The following LRP1B variants were observed in gnomAD, a reference collection of about 807,000 sequenced individuals.
LRP1B encodes the protein low-density lipoprotein receptor-related protein 1B.
LRP1B carries 217 observed loss-of-function variants against 556.6 expected under a neutral mutation model. The ratio of observed to expected loss-of-function variants is 0.39; its 90% CI spans 0.35 to 0.44. LRP1B has a LOEUF of 0.44. Ranked by LOEUF, LRP1B falls within the 20% of genes least tolerant of loss-of-function variation. The pLI is 1.00. For synonymous variants in LRP1B, 2,047 were observed against 1,865.8 expected (o/e 1.10, Z -2.50); for missense variants, 5,053 against 5,620.8 (o/e 0.90, Z 3.23).
At chr2:141,819,716 T>A (rs914755664) in intron 1 of LRP1B, among the ~76,000 whole-genome samples, 2 of 152,184 alleles carry the variant, frequency 1.3e-5, no homozygotes, top group African/African-American at 4.8e-5. Context: ...AACAATAATA[T>A]AATTTCAAAT....
chr2:141,412,353 C>T (rs748133491), intron 3 of LRP1B, among the ~76,000 whole-genome samples: 2 of 152,140 alleles, frequency 1.3e-5, no homozygotes, highest in Non-Finnish European at 2.9e-5. Flanking sequence ...CTTTTCCCAC[C>T]TGCAGTTTCT....
intron 29 of LRP1B, among the ~76,000 whole-genome samples, chr2:140,846,714 C>T (rs772226430): frequency 1.3e-5 from 2 of 151,852 alleles, no homozygotes; most frequent in Admixed American, 6.6e-5. Flanking sequence ...AGAAGAAGCC[C>T]AATAGAGAGA....
chr2:140,291,318 A>ATATATATATATTTT lies in LRP1B; in HGVS notation c.12967+6489_12967+6490insAAAATATATATATA, dbSNP rs369391920. On this transcript the variant is annotated intron_variant, in intron 84 of 90. Transcript: ENST00000389484. Reference sequence around the variant, plus strand: ...TTATTTTATATATATATATATATATATTTTTATTATACTTTAAGTTCTAGG... The same window carrying ATATATATATATTTT: ...TTATTTTATATATATATATATATATATATATATATATTTTTTTTTATTATACTTTAAGTTCTAGG... Among the ~76,000 whole-genome samples the ATATATATATATTTT allele has an allele frequency of 1.7e-4, 19 of 109,322 alleles. 1 individual carries two copies. The highest frequency in any genetic ancestry group is 5.0e-4 in the African/African-American group (17 of 33,814). The allele number at this position is 109,322 out of a possible 152,430, so 71.7% of individuals were successfully genotyped here.
chr2:140,890,081 T>G (rs914473932), intron 23 of LRP1B, among the ~76,000 whole-genome samples: 5 of 124,822 alleles, frequency 4.0e-5, no homozygotes, highest in Non-Finnish European at 8.3e-5. Context: ...CAGTTAAATC[T>G]CAAAATCATA....
intron 5 of LRP1B, among the ~76,000 whole-genome samples, chr2:141,241,034 A>G (rs1256102148): frequency 6.6e-6 from 1 of 152,142 alleles, no homozygotes; most frequent in East Asian, 1.9e-4. Flanking sequence ...ATAAAAACAA[A>G]AACCAAAACC....
intron 3 of LRP1B, among the ~76,000 whole-genome samples, chr2:141,469,449 G>C (rs997777389): frequency 2.0e-5 from 3 of 152,076 alleles, no homozygotes; most frequent in Non-Finnish European, 4.4e-5. Context: ...CTAGAGGCTA[G>C]AAAGTCCAAG....
Position 140,819,349 on chromosome 2 carries a change from A to G in LRP1B, c.5210-5543T>C, listed in dbSNP as rs531702177. 2.0e-5 allele frequency among the ~76,000 whole-genome samples: 3 copies of G among 152,322 alleles called. No homozygotes were observed. In the East Asian group the frequency reaches 5.8e-4, roughly 29 times the overall value. On this transcript the variant is annotated intron_variant, in intron 31 of 90. Transcript: ENST00000389484. ...CATTCATAATCACAATATTCTTTCA[A>G]TTATAAAACAAGCACATCAAAATTA...
At chr2:142,002,592 G>T (rs1212236797) in intron 1 of LRP1B, among the ~76,000 whole-genome samples, 2 of 151,484 alleles carry the variant, frequency 1.3e-5, no homozygotes, top group African/African-American at 2.4e-5. Context: ...TTTAAAATTT[G>T]CATAGCCATG....
At chr2:141,091,443 C>T (rs1411821622) in intron 7 of LRP1B, among the ~76,000 whole-genome samples, 1 of 152,186 alleles carries the variant, frequency 6.6e-6, no homozygotes, top group Non-Finnish European at 1.5e-5. Context: ...TGCTTCCCGG[C>T]TGGGGCCACT....
At chr2:141,046,897 C>T (rs987006998) in intron 11 of LRP1B, among the ~76,000 whole-genome samples, 1 of 151,992 alleles carries the variant, frequency 6.6e-6, no homozygotes, top group South Asian at 2.1e-4. Flanking sequence ...ACCTGGCCAA[C>T]ATGGTGAAAC....
chr2:141,669,814 G>C (rs1439343410), intron 2 of LRP1B, among the ~76,000 whole-genome samples: 2 of 152,108 alleles, frequency 1.3e-5, no homozygotes, highest in African/African-American at 4.8e-5. Context: ...GAGTGCAATG[G>C]TGCGATCTTG....
At chr2:142,007,658 C>A (rs1184133834) in intron 1 of LRP1B, among the ~76,000 whole-genome samples, 2 of 152,184 alleles carry the variant, frequency 1.3e-5, no homozygotes, top group African/African-American at 4.8e-5. Flanking sequence ...AGGGACAGAT[C>A]AAGATAAAAT....
intron 6 of LRP1B, among the ~76,000 whole-genome samples, chr2:141,220,411 A>G (rs559674023): frequency 6.6e-6 from 1 of 152,242 alleles, no homozygotes; most frequent in Non-Finnish European, 1.5e-5. Flanking sequence ...CATGAGAACT[A>G]TGGGGTTATG....
intron 41 of LRP1B, among the ~76,000 whole-genome samples, chr2:140,651,571 T>G: frequency 7.1e-6 from 1 of 140,948 alleles, no homozygotes; most frequent in Non-Finnish European, 1.5e-5. Flanking sequence ...TCATCTTATG[T>G]AGGGAGATGC....
chr2:141,595,990 T>C (rs1049388733), intron 2 of LRP1B, among the ~76,000 whole-genome samples: 2 of 152,054 alleles, frequency 1.3e-5, no homozygotes, highest in Non-Finnish European at 1.5e-5. Flanking sequence ...GTTATTGAAA[T>C]AGTGATCTGA....
intron 11 of LRP1B, among the ~76,000 whole-genome samples, chr2:141,046,154 A>T (rs1382569734): frequency 1.3e-5 from 2 of 152,150 alleles, no homozygotes; most frequent in African/African-American, 4.8e-5. Flanking sequence ...ATCTGAGCTT[A>T]CATAAAAGAT....
chr2:140,565,405 C>CATG (rs201680146), intron 43 of LRP1B, among the ~76,000 whole-genome samples: 2,410 of 151,946 alleles, frequency 0.016, 29 homozygotes, highest in Middle Eastern at 0.054. Flanking sequence ...ACTTAGAAAA[C>CATG]ATGTTTACTT....
At chr2:141,856,767 C>T (rs1430542256) in intron 1 of LRP1B, among the ~76,000 whole-genome samples, 3 of 152,166 alleles carry the variant, frequency 2.0e-5, no homozygotes, top group African/African-American at 7.2e-5. Context: ...GACTTAGGCA[C>T]ATCTCAGGGC....
At chr2:141,641,342 T>A (rs1006470545) in intron 2 of LRP1B, among the ~76,000 whole-genome samples, 12 of 152,162 alleles carry the variant, frequency 7.9e-5, no homozygotes, top group African/African-American at 2.7e-4. Flanking sequence ...GATCTTCCAG[T>A]TGTCCCCAAC....
Sources: gnomAD v4.1 joint callset for allele counts (sites outside exome capture counted in the v4.1 genomes callset) on GRCh38, gnomAD v4.1.1 for gene constraint, MANE v1.5 for transcripts, NCBI Gene and HGNC (gene_info 2026-07-23, HGNC 2026-07-21) for gene names.